The following ZSCAN5A variants were observed in gnomAD, a reference collection of about 807,000 sequenced individuals.
ZSCAN5A encodes zinc finger and SCAN domain containing 5A, also known as zinc finger and SCAN domain-containing protein 5A.
ZSCAN5A carries 12 observed loss-of-function variants against 23.7 expected under a neutral mutation model. The observed-to-expected ratio is 0.51, with a 90% CI of 0.32 to 0.82. The LOEUF is 0.82. Ranked by LOEUF, ZSCAN5A falls within the 40% of genes least tolerant of loss-of-function variation. The pLI is 0.03. For missense variants in ZSCAN5A, 597 were observed against 617.9 expected (o/e 0.97, Z 0.36); for synonymous variants, 257 against 239.9 (o/e 1.07, Z -0.66).
intron 2 of ZSCAN5A, among the ~76,000 whole-genome samples, chr19:56,276,495 T>A (rs2147008785): frequency 7.1e-6 from 1 of 140,034 alleles, no homozygotes. Flanking sequence ...TTATTAAGGA[T>A]CTAAAGAGCT....
chr19:56,226,046 A>T (rs1028214797), intron 2 of ZSCAN5A, among the ~76,000 whole-genome samples: 22 of 152,296 alleles, frequency 1.4e-4, no homozygotes, highest in African/African-American at 5.3e-4. Context: ...GGAGCCACTG[A>T]GTGATACTCT....
chr19:56,307,338 A>C (rs2040759112), intron 2 of ZSCAN5A, among the ~76,000 whole-genome samples: 1 of 152,194 alleles, frequency 6.6e-6, no homozygotes, highest in South Asian at 2.1e-4. Context: ...TAAATCCACC[A>C]GTGGAAACTC....
At chr19:56,273,262 G>T (rs1321105146) in intron 2 of ZSCAN5A, among the ~76,000 whole-genome samples, 2 of 152,278 alleles carry the variant, frequency 1.3e-5, no homozygotes, top group East Asian at 3.9e-4. Flanking sequence ...ACGAGCTTAC[G>T]TTGTGCAGTG....
chr19:56,366,826 A>C (rs2041770190), intron 1 of ZSCAN5A, among the ~76,000 whole-genome samples: 1 of 152,172 alleles, frequency 6.6e-6, no homozygotes, highest in Admixed American at 6.6e-5. Flanking sequence ...AGACCATAGA[A>C]CACTTCCCCT....
At chr19:56,296,791 T>G (rs147032541) in intron 2 of ZSCAN5A, among the ~76,000 whole-genome samples, 8,026 of 152,190 alleles carry the variant, frequency 0.053, 713 homozygotes, top group African/African-American at 0.18. Flanking sequence ...CCCAGCACTT[T>G]GGGAGGCCGA....
At chr19:56,272,790 G>T (rs769885766) in intron 2 of ZSCAN5A, 21 of 815,332 alleles carry the variant, frequency 2.6e-5, no homozygotes, top group Non-Finnish European at 3.0e-5. Flanking sequence ...AGAGAGTCCT[G>T]TCTATCCTAG....
intron 2 of ZSCAN5A, among the ~76,000 whole-genome samples, chr19:56,320,473 A>G (rs932667082): frequency 1.3e-5 from 2 of 152,112 alleles, no homozygotes; most frequent in African/African-American, 4.8e-5. Context: ...CTCTACTAAA[A>G]ATACAAAATT....
chr19:56,223,565 G>T, intron 4 of ZSCAN5A, 66 bp downstream of exon 4: 1 of 1,540,206 alleles, frequency 6.5e-7, no homozygotes, highest in Non-Finnish European at 8.9e-7. Context: ...TCAGTCCAGC[G>T]GCCACACGAT....
chr19:56,227,175 C>A (rs892717587), intron 2 of ZSCAN5A, among the ~76,000 whole-genome samples: 1 of 152,094 alleles, frequency 6.6e-6, no homozygotes, highest in East Asian at 1.9e-4. Context: ...TTCAAGTATT[C>A]TCAAAACCAA....
intron 2 of ZSCAN5A, among the ~76,000 whole-genome samples, chr19:56,234,847 T>C (rs2034751677): frequency 2.0e-5 from 3 of 152,220 alleles, no homozygotes; most frequent in Admixed American, 6.5e-5. Context: ...TTGCCAATGC[T>C]CCCAGCTGAA....
At chr19:56,365,668 A>C (rs2041759551) in intron 1 of ZSCAN5A, 1 of 152,260 alleles carries the variant, frequency 6.6e-6, no homozygotes, top group Non-Finnish European at 1.5e-5. Context: ...AAGGCAAGCT[A>C]CTGCCTCCAA....
At chr19:56,312,608 C>T (rs61351973) in intron 2 of ZSCAN5A, 10,855 of 152,254 alleles carry the variant, frequency 0.071, 602 homozygotes, top group East Asian at 0.24. Context: ...TAAAGTCTGG[C>T]GTTAACAGTA....
chr19:56,290,796 T>C (rs2039459998), intron 2 of ZSCAN5A, among the ~76,000 whole-genome samples: 1 of 152,220 alleles, frequency 6.6e-6, no homozygotes, highest in African/African-American at 2.4e-5. Context: ...TGCTCACTCT[T>C]CTCCACACTG....
chr19:56,242,199 C>T (rs1406652208), intron 2 of ZSCAN5A, among the ~76,000 whole-genome samples: 1 of 152,118 alleles, frequency 6.6e-6, no homozygotes, highest in African/African-American at 2.4e-5. Context: ...CACCAACACT[C>T]GTTCCATGTG....
At chr19:56,271,061 G>A (rs777500623) in intron 2 of ZSCAN5A, among the ~76,000 whole-genome samples, 23 of 152,242 alleles carry the variant, frequency 1.5e-4, no homozygotes, top group Non-Finnish European at 2.6e-4. Flanking sequence ...AGTGTTATGA[G>A]TTAGGGACTG....
intron 2 of ZSCAN5A, among the ~76,000 whole-genome samples, chr19:56,277,322 T>C (rs992919244): frequency 2.0e-5 from 3 of 152,198 alleles, no homozygotes; most frequent in African/African-American, 7.2e-5. Context: ...CAGAGTGTGG[T>C]CTATGCATAC....
At chr19:56,240,346 T>C (rs1370930187) in intron 2 of ZSCAN5A, among the ~76,000 whole-genome samples, 4 of 152,164 alleles carry the variant, frequency 2.6e-5, no homozygotes, top group African/African-American at 4.8e-5. Flanking sequence ...CAGGGTTTCA[T>C]TGGGAAATGT....
rs189919236 is a variant in ZSCAN5A at position 56,250,334 on chromosome 19, T to A, written c.-127-25161A>T. Among the ~76,000 whole-genome samples the A allele has an allele frequency of 1.9e-3, 295 of 152,308 alleles. 9 individuals are homozygous for A. The highest frequency in any genetic ancestry group is 0.019 in the Admixed American group (291 of 15,302). On this transcript the variant is annotated intron_variant, in intron 2 of 5. Coordinates refer to ENST00000683990, the MANE Select transcript of ZSCAN5A (RefSeq NM_001322064.3). ...GGTTTAAAAAATTTTTCCAGGTAAT[T>A]CTAATGTGCAACAAAGGTTGAGAAC...
At chr19:56,273,822 T>C (rs2038039631) in intron 2 of ZSCAN5A, among the ~76,000 whole-genome samples, 1 of 152,086 alleles carries the variant, frequency 6.6e-6, no homozygotes, top group Admixed American at 6.5e-5. Context: ...AAAAGGAAGC[T>C]GTGAAAGGGT....
Sources: allele counts gnomAD v4.1 joint callset (sites outside exome capture counted in the v4.1 genomes callset), GRCh38; gene constraint gnomAD v4.1.1; transcripts MANE v1.5; gene names NCBI Gene and HGNC (gene_info 2026-07-23, HGNC 2026-07-21).